DNAH10: variants seen among roughly 807,000 people sequenced by gnomAD.
DNAH10 encodes the protein axonemal beta dynein heavy chain 10.
Under a neutral mutation model 506.6 loss-of-function variants are expected in DNAH10, and 348 were observed. The observed-to-expected ratio is 0.69, with a 90% confidence interval of 0.63 to 0.75. DNAH10 has a LOEUF of 0.75. Ranked by LOEUF, DNAH10 falls within the 30% of genes least tolerant of loss-of-function variation. The pLI, the probability that DNAH10 is intolerant of heterozygous loss-of-function variation, is 0.00. For missense variants in DNAH10, 5,179 were observed against 5,787.1 expected, an observed-to-expected ratio of 0.89 and a Z score of 3.41; for synonymous variants, 2,059 against 2,198.6, an observed-to-expected ratio of 0.94 and a Z score of 1.78.
intron 52 of DNAH10, among the ~76,000 whole-genome samples, chr12:123,890,619 G>A (rs572490490): frequency 2.0e-5 from 3 of 152,162 alleles, no homozygotes; most frequent in Non-Finnish European, 4.4e-5. Flanking sequence ...CCTCCAGTGC[G>A]CCGTGGGGAC....
At chr12:123,893,128 C>G in intron 52 of DNAH10, 105 bp from the exon 53 acceptor site, 6 of 1,235,392 alleles carry the variant, frequency 4.9e-6, no homozygotes, top group Non-Finnish European at 6.9e-6. Flanking sequence ...GCTCTCTGGA[C>G]TCAGCACCTG....
At chr12:123,808,071 C>T (rs538101816) in intron 18 of DNAH10, among the ~76,000 whole-genome samples, 2 of 101,632 alleles carry the variant, frequency 2.0e-5, no homozygotes, top group South Asian at 3.5e-4. Flanking sequence ...CTCACTCTGT[C>T]ACCAAGGCTG....
chr12:123,796,471 C>A (rs1594048123), intron 12 of DNAH10, among the ~76,000 whole-genome samples, 185 bp from the exon 13 acceptor site: 1 of 152,036 alleles, frequency 6.6e-6, no homozygotes, highest in African/African-American at 2.4e-5. Flanking sequence ...ACAACAACAA[C>A]AAAAAGATTA....
At chr12:123,864,189 G>A (rs7305858) in intron 39 of DNAH10, among the ~76,000 whole-genome samples, 1,575 of 131,926 alleles carry the variant, frequency 0.012, 30 homozygotes, top group African/African-American at 0.042. Flanking sequence ...ACTGTTGCCT[G>A]GGTGGGAGTG....
chr12:123,926,025 A>G lies in DNAH10; in HGVS notation c.11922-612A>G, dbSNP rs1954925436. The G allele has an allele frequency of 1.3e-5, 2 of 152,156 alleles. No homozygotes were observed. Among genetic ancestry groups the G allele is most frequent in the Admixed American group, 1.3e-4 (2 of 15,260 alleles). 9.4% of individuals were successfully genotyped at this position (152,156 alleles called of 1,614,324 possible). A position where few individuals can be genotyped will look rare whatever the true frequency, so the allele number is the denominator to read the frequency against. On this transcript the variant is annotated intron_variant, in intron 68 of 78. Coordinates refer to ENST00000673944, the MANE Select transcript of DNAH10 (RefSeq NM_001372106.1). This position sits in a 1 kb window ranked among gnomAD's most constrained non-coding sequence, Gnocchi z 4.1. ...GATCGCTTGAGGCCAGGAGTTCGAG[A>G]CCCAGCCTGGGCAACATAGTGAGAT...
chr12:123,792,077 T>TA (rs1958099579), intron 11 of DNAH10, among the ~76,000 whole-genome samples: 1 of 152,220 alleles, frequency 6.6e-6, no homozygotes, highest in Non-Finnish European at 1.5e-5. Flanking sequence ...GTCCCATTCC[T>TA]AATCCCATTT....
intron 57 of DNAH10, among the ~76,000 whole-genome samples, chr12:123,904,487 C>T (rs551358147): frequency 4.6e-5 from 7 of 152,076 alleles, no homozygotes; most frequent in East Asian, 1.9e-4. Flanking sequence ...AGAGAAGGAA[C>T]GGTGAGTCCC....
chr12:123,934,803 CCTTCCT>C (rs1453831470), intron 78 of DNAH10, 37 bp downstream of exon 78: 1 of 1,611,102 alleles, frequency 6.2e-7, no homozygotes. Flanking sequence ...ACACCAGGGC[CCTTCCT>C]CTTCTGACTG....
In DNAH10 at chr12:123,871,455, A is replaced by G; in HGVS notation, c.7640-2A>G. The stretch of plus-strand genomic sequence containing the variant: ...TGCCCCTGTTCCTAATGTCTACTTT[A>G]GTTCACACAGTGGATACCACTCGGA... On this transcript the variant is annotated splice_acceptor_variant, in intron 44 of 78. Coordinates refer to ENST00000673944, the MANE Select transcript of DNAH10 (RefSeq NM_001372106.1). LOFTEE classifies it high-confidence loss of function. The G allele has an allele frequency of 6.3e-7, 1 of 1,586,638 alleles. No individual in the cohort carries two copies. Among genetic ancestry groups the G allele is most frequent in the Non-Finnish European group, 8.6e-7 (1 of 1,165,092 alleles).
chr12:123,904,155 G>C (rs572587516), intron 57 of DNAH10, among the ~76,000 whole-genome samples: 1 of 152,166 alleles, frequency 6.6e-6, no homozygotes. Flanking sequence ...TGACCTCCCG[G>C]TTCATTCTTG....
In DNAH10 at chr12:123,909,249, G is replaced by A; in HGVS notation, c.9816-12G>A. ...CCGGGGTTGTGACCCACGTGCCTTG[G>A]TTTCTTGCCAGGTCGTTTGCTAAGC... is the stretch of plus-strand genomic sequence containing the variant. On this transcript the variant is annotated splice_polypyrimidine_tract_variant and intron_variant, in intron 57 of 78. Coordinates refer to ENST00000673944, the MANE Select transcript of DNAH10 (RefSeq NM_001372106.1). The surrounding 1 kb of genome is among the most constrained non-coding windows in gnomAD (Gnocchi z 5.4). 7 of 1,611,614 alleles carry A rather than the reference G, an allele frequency of 4.3e-6. No individual in the cohort carries two copies. Among genetic ancestry groups the A allele is most frequent in the Non-Finnish European group, 5.9e-6 (7 of 1,179,136 alleles).
At chr12:123,829,943 C>T (rs901222929) in intron 25 of DNAH10, among the ~76,000 whole-genome samples, 1 of 152,174 alleles carries the variant, frequency 6.6e-6, no homozygotes, top group Non-Finnish European at 1.5e-5. Flanking sequence ...CAGGAGTCTG[C>T]CCCGACTGTC....
In DNAH10 at chr12:123,896,443, T is replaced by C. The variant is rs145774029; in HGVS notation, c.9281-1327T>C. Among the ~76,000 whole-genome samples, 1,501 of 152,274 alleles carry C rather than the reference T, an allele frequency of 9.9e-3. 18 individuals are homozygous for C. The highest frequency in any genetic ancestry group is 0.016 in the Non-Finnish European group (1,092 of 68,024). ...ACAACCTATCAGATAATCCAGGTGA[T>C]GTGATCTTGACACTGGAAGCCATCA... On this transcript the variant is annotated intron_variant, in intron 54 of 78. Coordinates refer to ENST00000673944, the MANE Select transcript of DNAH10 (RefSeq NM_001372106.1).
chr12:123,792,308 C>G (rs80306932), intron 11 of DNAH10, among the ~76,000 whole-genome samples: 1 of 152,242 alleles, frequency 6.6e-6, no homozygotes, highest in African/African-American at 2.4e-5. Flanking sequence ...TTTTTTCCAA[C>G]TTCTCTAATA....
intron 54 of DNAH10, among the ~76,000 whole-genome samples, chr12:123,896,482 C>T (rs118162866): frequency 0.033 from 4,967 of 152,186 alleles, 112 homozygotes; most frequent in Non-Finnish European, 0.048. Flanking sequence ...ATTCTTTCAG[C>T]GGGTGTATAG....
At chr12:123,865,820 G>A (rs2136919025) in intron 40 of DNAH10, 131 bp from the exon 41 acceptor site, 2 of 851,826 alleles carry the variant, frequency 2.3e-6, no homozygotes, top group South Asian at 2.9e-5. Context: ...AAAGCTCATG[G>A]AAGCTGTGTT....
chr12:123,871,365 G>T (rs1952026593), intron 44 of DNAH10, 92 bp from the exon 45 acceptor site: 2 of 1,435,192 alleles, frequency 1.4e-6, no homozygotes, highest in Middle Eastern at 1.8e-4. Flanking sequence ...TTTTTTATGG[G>T]ATTTGTGGGG....
In DNAH10 at chr12:123,934,779, G is replaced by A; in HGVS notation, c.13623+13G>A. The A allele has an allele frequency of 1.9e-6, 3 of 1,613,056 alleles. No homozygotes were observed. Among genetic ancestry groups the A allele is most frequent in the Non-Finnish European group, 2.5e-6 (3 of 1,179,824 alleles). ...CCTCAAGCTGCAGGTGAAGGTCCCA[G>A]CCCCTCCTCTCTGACACCAGGGCCC... On this transcript the variant is annotated intron_variant, in intron 78 of 78. Transcript: ENST00000673944.
rs561004457 is a variant in DNAH10 at position 123,857,436 on chromosome 12, TAG to T, written c.6630+192_6630+193del. 6.6e-3 allele frequency among the ~76,000 whole-genome samples: 1,012 copies of T among 152,334 alleles called. 10 individuals carry two copies. Among genetic ancestry groups the T allele is most frequent in the Non-Finnish European group, 9.9e-3 (672 of 68,026 alleles). ...TTACCATCTTACCTACTTTTAAATGTAGAGTTTGTTAGGCCGGGCACAGTGGC... is the reference window on the plus strand; with the variant it reads ...TTACCATCTTACCTACTTTTAAATGTAGTTTGTTAGGCCGGGCACAGTGGC... On this transcript the variant is annotated intron_variant, in intron 37 of 78. Transcript: ENST00000673944.
Sources: gnomAD v4.1 joint callset for allele counts (sites outside exome capture counted in the v4.1 genomes callset) on GRCh38, gnomAD v4.1.1 for gene constraint, Gnocchi (gnomAD v3.1) non-coding constraint, MANE v1.5 for transcripts, NCBI Gene and HGNC (gene_info 2026-07-23, HGNC 2026-07-21) for gene names.